The following PSD3 variants were observed in gnomAD, a reference collection of about 807,000 sequenced individuals.
The protein encoded by PSD3 is pleckstrin and Sec7 domain containing 3, also known as PH and SEC7 domain-containing protein 3.
In PSD3, 49 loss-of-function variants were observed where a neutral mutation model predicts 105.5. That is an observed-to-expected ratio of 0.46 (90% CI 0.37 to 0.59). PSD3 has a LOEUF of 0.59. Ranked by LOEUF, PSD3 falls within the 20% of genes least tolerant of loss-of-function variation. The probability of loss-of-function intolerance (pLI) is 0.00; values close to 1 mark genes in which losing one functional copy is unlikely to be tolerated. For missense variants in PSD3, 1,561 were observed against 1,263.8 expected (o/e 1.24, Z -3.57); for synonymous variants, 557 against 457.8 (o/e 1.22, Z -2.77).
chr8:18,905,250 C>G (rs1206425469), intron 2 of PSD3, among the ~76,000 whole-genome samples: 1 of 152,120 alleles, frequency 6.6e-6, no homozygotes, highest in African/African-American at 2.4e-5. Flanking sequence ...CTAATTTTGT[C>G]CTACTCATCT....
At chr8:18,873,417 C>T (rs1817522501) in intron 2 of PSD3, among the ~76,000 whole-genome samples, 1 of 151,818 alleles carries the variant, frequency 6.6e-6, no homozygotes, top group Non-Finnish European at 1.5e-5. Context: ...TCCCAATTGA[C>T]AAAAGTTTGT....
chr8:18,791,096 C>T (rs1381808002), intron 8 of PSD3, among the ~76,000 whole-genome samples: 2 of 152,120 alleles, frequency 1.3e-5, no homozygotes, highest in African/African-American at 4.8e-5. Flanking sequence ...AATGGAAAAA[C>T]ATTCCATGCT....
rs191997215 is a variant in PSD3 at position 18,805,632 on chromosome 8, A to G, written c.1635-734T>C. 7.2e-3 allele frequency among the ~76,000 whole-genome samples: 1,103 copies of G among 152,302 alleles called. 12 individuals carry two copies. Among genetic ancestry groups the G allele is most frequent in the Admixed American group, 0.016 (243 of 15,304 alleles). ...TATTAAAATCTATCTTATACTTTGA[A>G]TGGATCTTTTAACCCTTACATGATT... On this transcript the variant is annotated intron_variant, in intron 4 of 15. Coordinates refer to ENST00000327040, the MANE Select transcript of PSD3 (RefSeq NM_015310.4).
intron 4 of PSD3, among the ~76,000 whole-genome samples, chr8:18,838,712 G>A (rs1814353133): frequency 6.6e-6 from 1 of 151,612 alleles, no homozygotes; most frequent in South Asian, 2.1e-4. Flanking sequence ...TGAGGCAGGA[G>A]AATGGCGTGA....
At chr8:19,006,353 C>G (rs556992552) in intron 1 of PSD3, among the ~76,000 whole-genome samples, 1 of 151,100 alleles carries the variant, frequency 6.6e-6, no homozygotes, top group African/African-American at 2.4e-5. Flanking sequence ...TGTACACACT[C>G]ACACATACTA....
At chr8:18,808,812 C>T (rs1467424115) in intron 4 of PSD3, 1 of 1,613,746 alleles carries the variant, frequency 6.2e-7, no homozygotes, top group African/African-American at 1.3e-5. Flanking sequence ...GCGCCTGGAC[C>T]ATCCTTCCTC....
intron 8 of PSD3, among the ~76,000 whole-genome samples, chr8:18,797,426 G>C (rs938459511): frequency 2.0e-5 from 3 of 152,072 alleles, no homozygotes; most frequent in East Asian, 3.9e-4. Flanking sequence ...TTCCATCCCA[G>C]TTGCCAAGAA....
At chr8:18,636,450 GATGTT>G (rs1395869155) in intron 10 of PSD3, among the ~76,000 whole-genome samples, 1 of 152,162 alleles carries the variant, frequency 6.6e-6, no homozygotes, top group Non-Finnish European at 1.5e-5. Context: ...ACAGTATGCT[GATGTT>G]AATTTATAAT....
intron 1 of PSD3, among the ~76,000 whole-genome samples, chr8:19,043,718 G>A (rs946583932): frequency 5.3e-5 from 8 of 152,092 alleles, no homozygotes; most frequent in African/African-American, 1.7e-4. Context: ...TTTGAGAGTA[G>A]GCTCCTTCTT....
intron 1 of PSD3, among the ~76,000 whole-genome samples, chr8:18,946,746 A>T (rs1313071825): frequency 6.6e-6 from 1 of 151,796 alleles, no homozygotes; most frequent in Non-Finnish European, 1.5e-5. Context: ...CTAAAAAAAA[A>T]ATACAAAAGT....
intron 9 of PSD3, among the ~76,000 whole-genome samples, chr8:18,691,917 G>C (rs951462373): frequency 3.9e-5 from 6 of 152,208 alleles, no homozygotes; most frequent in East Asian, 1.9e-4. Flanking sequence ...CAGAGACAGA[G>C]AGGGAGCCAC....
intron 1 of PSD3, among the ~76,000 whole-genome samples, chr8:19,068,296 T>C (rs1306068674): frequency 6.6e-6 from 1 of 151,892 alleles, no homozygotes; most frequent in Admixed American, 6.6e-5. Context: ...CCTCTTTTTT[T>C]TTTTTTCTTT....
intron 4 of PSD3, among the ~76,000 whole-genome samples, chr8:18,812,736 T>C (rs1185954782): frequency 6.6e-6 from 1 of 152,114 alleles, no homozygotes; most frequent in Non-Finnish European, 1.5e-5. Flanking sequence ...GCTATCCAAG[T>C]AGGATGTGAG....
intron 11 of PSD3, among the ~76,000 whole-genome samples, chr8:18,615,689 G>A (rs529877090): frequency 6.6e-6 from 1 of 152,206 alleles, no homozygotes; most frequent in South Asian, 2.1e-4. Flanking sequence ...TTTAAGAGCA[G>A]GGTGTTAAAA....
At chr8:19,023,815 T>C (rs939307131) in intron 1 of PSD3, among the ~76,000 whole-genome samples, 4 of 152,182 alleles carry the variant, frequency 2.6e-5, no homozygotes, top group African/African-American at 9.6e-5. Context: ...TCACAGTCTT[T>C]GGCACATAGG....
At chr8:18,789,229 C>T (rs1809471531) in intron 8 of PSD3, among the ~76,000 whole-genome samples, 2 of 152,100 alleles carry the variant, frequency 1.3e-5, no homozygotes, top group Admixed American at 1.3e-4. Flanking sequence ...TATAGTAACA[C>T]TAAAAACATT....
At chr8:18,938,958 G>A (rs1277617432) in intron 1 of PSD3, among the ~76,000 whole-genome samples, 1 of 152,194 alleles carries the variant, frequency 6.6e-6, no homozygotes, top group Admixed American at 6.5e-5. Context: ...GGAGACTAGA[G>A]AAGAAACAGT....
intron 9 of PSD3, among the ~76,000 whole-genome samples, chr8:18,696,741 T>C (rs149019831): frequency 4.6e-5 from 7 of 152,244 alleles, no homozygotes; most frequent in Middle Eastern, 3.4e-3. Flanking sequence ...CTGATTCTCA[T>C]AGGATAAGGG....
chr8:18,966,334 C>T (rs1196288615), intron 1 of PSD3, among the ~76,000 whole-genome samples: 1 of 152,102 alleles, frequency 6.6e-6, no homozygotes, highest in African/African-American at 2.4e-5. Flanking sequence ...CTTTGGGAGG[C>T]CGAGGCAGGT....
Sources: allele counts gnomAD v4.1 joint callset (sites outside exome capture counted in the v4.1 genomes callset), GRCh38; gene constraint gnomAD v4.1.1; transcripts MANE v1.5; gene names NCBI Gene and HGNC (gene_info 2026-07-23, HGNC 2026-07-21).